MCC: variants seen among roughly 807,000 people sequenced by gnomAD.
MCC encodes the protein colorectal mutant cancer protein.
A neutral mutation model predicts 116.2 loss-of-function variants in MCC; 90 were observed. That is an observed-to-expected ratio of 0.77 (90% CI 0.65 to 0.92). The LOEUF (loss-of-function observed/expected upper bound fraction) is 0.92, where lower values mean the gene tolerates loss of function less well. Among genes scored for constraint, MCC ranks in the 40% least tolerant of loss-of-function variants. The pLI, the probability that MCC is intolerant of heterozygous loss-of-function variation, is 0.00. For missense variants in MCC, 1,516 were observed against 1,312.2 expected (o/e 1.16, Z -2.40); for synonymous variants, 578 against 510.5 (o/e 1.13, Z -1.78).
intron 1 of MCC, among the ~76,000 whole-genome samples, chr5:113,420,651 AG>A (rs1229974639): frequency 1.3e-5 from 2 of 152,240 alleles, no homozygotes; most frequent in Non-Finnish European, 2.9e-5. Context: ...GCTTATAAAT[AG>A]GAAGAAGTAT....
intron 5 of MCC, among the ~76,000 whole-genome samples, chr5:113,138,384 A>C (rs1294129062): frequency 6.6e-6 from 1 of 152,124 alleles, no homozygotes; most frequent in Admixed American, 6.5e-5. Context: ...TTGGGAGGTA[A>C]TTAGGTTTAG....
At chr5:113,294,990 G>C in intron 3 of MCC, 1 of 984,446 alleles carries the variant, frequency 1.0e-6, no homozygotes, top group Non-Finnish European at 1.2e-6. Flanking sequence ...CGGGGTGCGC[G>C]GAGGAGGCGG....
intron 3 of MCC, among the ~76,000 whole-genome samples, chr5:113,185,652 G>A (rs955422535): frequency 2.6e-5 from 4 of 152,208 alleles, no homozygotes. Context: ...TAGGAGCATT[G>A]AGAGGAACTA....
chr5:113,366,236 T>C (rs1394659070), intron 2 of MCC, among the ~76,000 whole-genome samples: 1 of 152,190 alleles, frequency 6.6e-6, no homozygotes, highest in African/African-American at 2.4e-5. Context: ...TTGGTTTTCT[T>C]TTTTTCTAGC....
At chr5:113,384,175 A>G (rs1480574675) in intron 2 of MCC, among the ~76,000 whole-genome samples, 2 of 152,236 alleles carry the variant, frequency 1.3e-5, no homozygotes, top group Non-Finnish European at 1.5e-5. Flanking sequence ...CCCAATTTCA[A>G]TAATTATCAA....
intron 15 of MCC, among the ~76,000 whole-genome samples, chr5:113,052,871 T>C (rs1752577977): frequency 6.6e-6 from 1 of 152,166 alleles, no homozygotes; most frequent in African/African-American, 2.4e-5. Flanking sequence ...TGAAGCTGTC[T>C]AGGGCCCACC....
At chr5:113,166,711 AAAAAAAAAAAAC>A (rs1194938557) in intron 3 of MCC, among the ~76,000 whole-genome samples, 1 of 147,336 alleles carries the variant, frequency 6.8e-6, no homozygotes, top group East Asian at 2.0e-4. Flanking sequence ...TATTTAAAAA[AAAAAAAAAAAAC>A]AACCAAAAAA....
intron 3 of MCC, among the ~76,000 whole-genome samples, chr5:113,253,114 A>C (rs540457139): frequency 1.3e-5 from 2 of 152,338 alleles, no homozygotes; most frequent in African/African-American, 2.4e-5. Flanking sequence ...GGGGCACATA[A>C]ATGGACTAAA....
intron 18 of MCC, 140 bp downstream of exon 18, chr5:113,028,794 G>C: frequency 3.1e-6 from 3 of 970,810 alleles, no homozygotes; most frequent in Non-Finnish European, 4.5e-6. Flanking sequence ...AGAGAGCCAG[G>C]TAGGGACTCA....
At chr5:113,124,096 T>C (rs1757896230) in intron 5 of MCC, among the ~76,000 whole-genome samples, 1 of 152,198 alleles carries the variant, frequency 6.6e-6, no homozygotes, top group Admixed American at 6.5e-5. Flanking sequence ...TATAAGGTAT[T>C]GTTAATAAAA....
At chr5:113,293,838 A>T (rs1010665167) in intron 3 of MCC, among the ~76,000 whole-genome samples, 4 of 152,000 alleles carry the variant, frequency 2.6e-5, no homozygotes, top group African/African-American at 9.7e-5. Context: ...TAGGGAAGAG[A>T]CCACCTTGCC....
intron 1 of MCC, among the ~76,000 whole-genome samples, chr5:113,485,767 C>T (rs348956): frequency 0.31 from 47,275 of 152,084 alleles, 7,777 homozygotes; most frequent in African/African-American, 0.36. Context: ...CCAACCCTTA[C>T]TTGACTATGG....
At chr5:113,302,741 T>C (rs1766894293) in intron 3 of MCC, among the ~76,000 whole-genome samples, 1 of 152,154 alleles carries the variant, frequency 6.6e-6, no homozygotes, top group African/African-American at 2.4e-5. Flanking sequence ...CAGTGATAGG[T>C]ATGTGGGAAT....
At chr5:113,228,764 A>G (rs906805942) in intron 3 of MCC, among the ~76,000 whole-genome samples, 3 of 152,206 alleles carry the variant, frequency 2.0e-5, no homozygotes, top group Non-Finnish European at 4.4e-5. Flanking sequence ...ATGGATGCAG[A>G]GACCAGTTAC....
chr5:113,478,900 A>T (rs1772302681), intron 1 of MCC, among the ~76,000 whole-genome samples: 1 of 152,200 alleles, frequency 6.6e-6, no homozygotes, highest in Non-Finnish European at 1.5e-5. Flanking sequence ...TCTATCTCGC[A>T]TAGCTACTGT....
chr5:113,089,107 G>C (rs1342626947), intron 8 of MCC, among the ~76,000 whole-genome samples: 1 of 152,180 alleles, frequency 6.6e-6, no homozygotes, highest in African/African-American at 2.4e-5. Flanking sequence ...CTCAACACCA[G>C]AACATGACCT....
chr5:113,102,093 C>T, intron 7 of MCC, 148 bp from the exon 8 acceptor site: 1 of 742,214 alleles, frequency 1.3e-6, no homozygotes, highest in Admixed American at 2.5e-5. Flanking sequence ...CTACAGACAC[C>T]CCAAAGTTAT....
Position 113,156,703 on chromosome 5 carries a change from T to C in MCC, c.628-5281A>G, listed in dbSNP as rs150885824. On this transcript the variant is annotated intron_variant, in intron 3 of 18. Transcript: ENST00000408903. ...ATCTGGATCTAGTGCATGAAGGATA[T>C]AGATCCACACATTCCTCACATTTCT... is the stretch of plus-strand genomic sequence containing the variant. Among the ~76,000 whole-genome samples, 1,122 of 152,054 alleles carry C rather than the reference T, an allele frequency of 7.4e-3. 33 individuals are homozygous for C. The highest frequency in any genetic ancestry group is 0.052 in the East Asian group (270 of 5,152).
intron 3 of MCC, among the ~76,000 whole-genome samples, chr5:113,198,540 A>T (rs745766168): frequency 5.0e-4 from 17 of 34,030 alleles, no homozygotes; most frequent in South Asian, 1.8e-3. Flanking sequence ...ACAAATAATT[A>T]AAAAAAAAAA....
Sources: gnomAD v4.1 joint callset for allele counts (sites outside exome capture counted in the v4.1 genomes callset) on GRCh38, gnomAD v4.1.1 for gene constraint, MANE v1.5 for transcripts, NCBI Gene and HGNC (gene_info 2026-07-23, HGNC 2026-07-21) for gene names.